SAMD4A: variants seen among roughly 807,000 people sequenced by gnomAD.
The protein encoded by SAMD4A is protein Smaug homolog 1.
In SAMD4A, 33 loss-of-function variants were observed where a neutral mutation model predicts 81.3. The ratio of observed to expected loss-of-function variants is 0.41; its 90% CI spans 0.31 to 0.54. The LOEUF is 0.54. Among genes scored for constraint, SAMD4A ranks in the 20% least tolerant of loss-of-function variants. SAMD4A has a pLI of 0.37. For synonymous variants in SAMD4A, 389 were observed against 382.1 expected (o/e 1.02, Z -0.21); for missense variants, 854 against 951.1 (o/e 0.90, Z 1.34).
chr14:54,724,579 C>CCT (rs1203344826), intron 3 of SAMD4A, among the ~76,000 whole-genome samples: 1 of 152,132 alleles, frequency 6.6e-6, no homozygotes, highest in Admixed American at 6.6e-5. Flanking sequence ...GAACAGTGGG[C>CCT]CTCACAGGTG....
chr14:54,716,091 C>G (rs539937290), intron 3 of SAMD4A, among the ~76,000 whole-genome samples: 13 of 152,134 alleles, frequency 8.5e-5, no homozygotes, highest in Non-Finnish European at 1.6e-4. Context: ...TTCGAAGGCT[C>G]TTTGTTTTAA....
Position 54,742,237 on chromosome 14 carries a change from A to T in SAMD4A, c.979+4950A>T, listed in dbSNP as rs145856159. On this transcript the variant is annotated intron_variant, in intron 4 of 12. Coordinates refer to ENST00000554335, the MANE Select transcript of SAMD4A (RefSeq NM_015589.6). ...TTGGTAACCAATTGAATAGACAGTG[A>T]TGGAGCAGGAGAAATTTAGGATGAT... Among the ~76,000 whole-genome samples, 8 of 152,242 alleles carry T rather than the reference A, an allele frequency of 5.3e-5. No individual in the cohort carries two copies. In the East Asian group the frequency reaches 1.5e-3, roughly 29 times the overall value.
At chr14:54,618,945 A>T (rs2034552364) in intron 2 of SAMD4A, among the ~76,000 whole-genome samples, 2 of 152,248 alleles carry the variant, frequency 1.3e-5, no homozygotes, top group Admixed American at 1.3e-4. Flanking sequence ...ATCATAAAAA[A>T]GTCATGTCTT....
intron 2 of SAMD4A, among the ~76,000 whole-genome samples, chr14:54,667,655 G>C (rs1014146957): frequency 6.6e-6 from 1 of 152,104 alleles, no homozygotes. Flanking sequence ...TTGTGGGGAC[G>C]GCTCTGTGGA....
At chr14:54,626,059 T>TGTGTGCGCGC (rs368142521) in intron 2 of SAMD4A, among the ~76,000 whole-genome samples, 4 of 102,124 alleles carry the variant, frequency 3.9e-5, no homozygotes, top group Non-Finnish European at 6.0e-5. Context: ...TGTGTGTGTG[T>TGTGTGCGCGC]GCGCGCGCGC....
In SAMD4A at chr14:54,577,872, G is replaced by A. The variant is rs571002928; in HGVS notation, c.196+9760G>A. Among the ~76,000 whole-genome samples the A allele has an allele frequency of 2.0e-4, 31 of 152,300 alleles. 1 individual carries two copies. Among genetic ancestry groups the A allele is most frequent in the Middle Eastern group, 3.4e-3 (1 of 294 alleles). ...CTCAGAAAGCTGGCTTGGAGTTGAA[G>A]GGTTAAATTCTCCGTCCATGTAGAG... On this transcript the variant is annotated intron_variant, in intron 2 of 12. Coordinates refer to ENST00000554335, the MANE Select transcript of SAMD4A (RefSeq NM_015589.6).
At chr14:54,729,946 A>G (rs1272330199) in intron 3 of SAMD4A, among the ~76,000 whole-genome samples, 1 of 152,232 alleles carries the variant, frequency 6.6e-6, no homozygotes, top group Non-Finnish European at 1.5e-5. Flanking sequence ...GTAAAGTCAA[A>G]CAGCCGTTAT....
chr14:54,689,249 A>G (rs1373181048), intron 2 of SAMD4A, among the ~76,000 whole-genome samples: 1 of 151,972 alleles, frequency 6.6e-6, no homozygotes, highest in Non-Finnish European at 1.5e-5. Flanking sequence ...TTGTATTTCT[A>G]ACAATTTTCC....
chr14:54,708,956 G>A (rs570006975), intron 3 of SAMD4A, among the ~76,000 whole-genome samples: 7 of 152,158 alleles, frequency 4.6e-5, no homozygotes, highest in Non-Finnish European at 8.8e-5. Flanking sequence ...CACTGAGATG[G>A]AGAAAAGTGA....
In SAMD4A at chr14:54,652,182, G is replaced by A. The variant is rs576126753; in HGVS notation, c.197-49880G>A. Reference sequence around the variant, plus strand: ...TCCCAAAATCTTGTTTCAGTAGCCTGGGAATCATGGCAGTTATATCTGCAT... The same window carrying A: ...TCCCAAAATCTTGTTTCAGTAGCCTAGGAATCATGGCAGTTATATCTGCAT... On this transcript the variant is annotated intron_variant, in intron 2 of 12. Transcript: ENST00000554335. Among the ~76,000 whole-genome samples, 6 of 152,310 alleles carry A rather than the reference G, an allele frequency of 3.9e-5. No homozygotes were observed. In the South Asian group the frequency reaches 1.2e-3, roughly 32 times the overall value.
chr14:54,691,346 A>T (rs768056886), intron 2 of SAMD4A, among the ~76,000 whole-genome samples: 1 of 152,072 alleles, frequency 6.6e-6, no homozygotes, highest in Non-Finnish European at 1.5e-5. Flanking sequence ...AAGGGCCCTC[A>T]TCTGATCAGT....
intron 2 of SAMD4A, among the ~76,000 whole-genome samples, chr14:54,638,249 G>A (rs575589836): frequency 2.0e-5 from 3 of 152,190 alleles, no homozygotes; most frequent in African/African-American, 7.2e-5. Context: ...ACTGCACGGG[G>A]GAGCCGCAGC....
intron 2 of SAMD4A, among the ~76,000 whole-genome samples, chr14:54,629,292 C>T (rs775143355): frequency 6.6e-6 from 1 of 152,158 alleles, no homozygotes; most frequent in Non-Finnish European, 1.5e-5. Flanking sequence ...CATGGCCCTG[C>T]TGACACATCT....
chr14:54,584,374 C>T (rs893080755), intron 2 of SAMD4A, among the ~76,000 whole-genome samples: 9 of 152,120 alleles, frequency 5.9e-5, no homozygotes, highest in Admixed American at 3.3e-4. Flanking sequence ...AAAACATCAG[C>T]GTCTTTTTTA....
chr14:54,727,729 A>G (rs181107702), intron 3 of SAMD4A, among the ~76,000 whole-genome samples: 9 of 152,312 alleles, frequency 5.9e-5, no homozygotes, highest in Non-Finnish European at 2.9e-5. Flanking sequence ...TCAGGTTCCA[A>G]ATGAATTTTA....
chr14:54,619,072 G>A (rs970069919), intron 2 of SAMD4A, among the ~76,000 whole-genome samples: 2 of 151,896 alleles, frequency 1.3e-5, no homozygotes, highest in Admixed American at 6.6e-5. Flanking sequence ...CATTTCCAAT[G>A]TGTAGACAAC....
intron 2 of SAMD4A, among the ~76,000 whole-genome samples, chr14:54,645,049 G>A (rs2035258058): frequency 6.6e-6 from 1 of 152,214 alleles, no homozygotes; most frequent in Admixed American, 6.5e-5. Context: ...ACCAAAGGTT[G>A]ATGGTGTAAT....
At chr14:54,728,384 G>T (rs1407035927) in intron 3 of SAMD4A, among the ~76,000 whole-genome samples, 2 of 152,206 alleles carry the variant, frequency 1.3e-5, no homozygotes, top group African/African-American at 4.8e-5. Context: ...TGAAGTGAAA[G>T]TGGGAATTGG....
Position 54,760,154 on chromosome 14 carries a change from C to A in SAMD4A, c.1177-7C>A. 6.2e-7 allele frequency: 1 copy of A among 1,602,918 alleles called. No individual in the cohort carries two copies. Among genetic ancestry groups the A allele is most frequent in the Non-Finnish European group, 8.5e-7 (1 of 1,173,882 alleles). On this transcript the variant is annotated splice_region_variant and splice_polypyrimidine_tract_variant and intron_variant, in intron 6 of 12. Transcript: ENST00000554335. ...CTAACAGAGGTCTTCCTGCTCTCAC[C>A]GTCCAGGACATCATCGAGGGGGGCA...
Sources: gnomAD v4.1 joint callset for allele counts (sites outside exome capture counted in the v4.1 genomes callset) on GRCh38, gnomAD v4.1.1 for gene constraint, MANE v1.5 for transcripts, NCBI Gene and HGNC (gene_info 2026-07-23, HGNC 2026-07-21) for gene names.